GSE1: variants seen among roughly 807,000 people sequenced by gnomAD.
The protein encoded by GSE1 is genetic suppressor element 1.
Under a neutral mutation model 112.6 loss-of-function variants are expected in GSE1, and 32 were observed. The observed-to-expected ratio is 0.28, with a 90% CI of 0.21 to 0.38. The LOEUF is 0.38. Among genes scored for constraint, GSE1 ranks in the 10% least tolerant of loss-of-function variants. GSE1 has a pLI of 1.00. For missense variants in GSE1, 2,348 were observed against 1,699.2 expected (o/e 1.38, Z -6.71); for synonymous variants, 1,115 against 735.6 (o/e 1.52, Z -8.35).
At chr16:85,183,498 T>C (rs1408299760) in intron 1 of GSE1, among the ~76,000 whole-genome samples, 2 of 152,220 alleles carry the variant, frequency 1.3e-5, no homozygotes, top group Non-Finnish European at 2.9e-5. Context: ...TCCTCCCTGC[T>C]CTGCCCTCAC....
In GSE1 at chr16:85,525,199, C is replaced by G. The variant is rs2052325763; in HGVS notation, c.2465-108715C>G. On this transcript the variant is annotated intron_variant, in intron 2 of 2. Coordinates refer to the GSE1 transcript ENST00000637419. The stretch of plus-strand genomic sequence containing the variant: ...TGGTTTCATCAGCCGGGGAGGGCAC[C>G]TTGGCAGCAGCTGCCCCTCTGCCTG... Among the ~76,000 whole-genome samples the G allele has an allele frequency of 2.0e-5, 3 of 152,240 alleles. No individual in the cohort carries two copies. In the South Asian group the frequency reaches 6.2e-4, roughly 32 times the overall value.
At chr16:85,350,289 T>C (rs2046827361) in intron 1 of GSE1, among the ~76,000 whole-genome samples, 1 of 152,148 alleles carries the variant, frequency 6.6e-6, no homozygotes, top group Non-Finnish European at 1.5e-5. Context: ...GGCCTACGTG[T>C]GTTTTACTCA....
intron 1 of GSE1, among the ~76,000 whole-genome samples, chr16:85,619,950 C>G (rs559327914): frequency 2.0e-4 from 30 of 152,286 alleles, no homozygotes; most frequent in African/African-American, 3.1e-4. Flanking sequence ...CCCACCCGCT[C>G]TCCCTTAGAG....
rs1323826031 is a variant in GSE1 at position 85,655,750 on chromosome 16, T to C, written c.822T>C (p.Ser274=). 2 of 1,607,318 alleles carry C rather than the reference T, an allele frequency of 1.2e-6. No individual in the cohort carries two copies. Among genetic ancestry groups the C allele is most frequent in the East Asian group, 4.5e-5 (2 of 44,866 alleles). The change falls in exon 6 of 16, where the codon TCT becomes TCC. Residue 274 remains serine (S), a synonymous_variant. Transcript: ENST00000253458. ...AFRMDDSYCL[S]ALRSPFYPIP... ...GGATGGACGACTCCTACTGCCTGTC[T>C]GCCCTGAGGTCCCCGTTCTACCCCA...
intron 1 of GSE1, among the ~76,000 whole-genome samples, chr16:85,313,963 G>T (rs1174865979): frequency 3.3e-5 from 5 of 151,444 alleles, no homozygotes; most frequent in African/African-American, 1.2e-4. Flanking sequence ...AGCCTAGTGT[G>T]TGTGTGACAC....
At chr16:85,531,488 AG>A (rs1283142460) in intron 2 of GSE1, among the ~76,000 whole-genome samples, 2 of 152,042 alleles carry the variant, frequency 1.3e-5, no homozygotes, top group African/African-American at 4.8e-5. Flanking sequence ...GCCCTCTCGG[AG>A]GGCCTCAGCT....
chr16:85,306,117 G>A (rs938478633), intron 1 of GSE1: 2 of 154,088 alleles, frequency 1.3e-5, no homozygotes, highest in Non-Finnish European at 1.5e-5. Context: ...AATGAATAAA[G>A]GTCCCCTGGT....
At chr16:85,334,796 T>G (rs1028912940) in intron 1 of GSE1, among the ~76,000 whole-genome samples, 2 of 152,220 alleles carry the variant, frequency 1.3e-5, no homozygotes, top group African/African-American at 4.8e-5. Context: ...TCTGAGAAAC[T>G]GCGGAGCCAG....
chr16:85,265,474 G>T (rs1007887490), intron 1 of GSE1, among the ~76,000 whole-genome samples: 1 of 152,140 alleles, frequency 6.6e-6, no homozygotes, highest in African/African-American at 2.4e-5. Flanking sequence ...CGTTGCCCCA[G>T]TTCAGGCCAA....
intron 1 of GSE1, among the ~76,000 whole-genome samples, chr16:85,287,039 G>A (rs1217547663): frequency 1.3e-5 from 2 of 152,236 alleles, no homozygotes; most frequent in African/African-American, 4.8e-5. Flanking sequence ...CTGGACTCTT[G>A]TTTCTCCAGC....
intron 1 of GSE1, among the ~76,000 whole-genome samples, chr16:85,618,676 G>A (rs1171274942): frequency 6.6e-6 from 1 of 152,236 alleles, no homozygotes; most frequent in Non-Finnish European, 1.5e-5. Context: ...GTTTTAATTA[G>A]AGACAGGGTC....
At chr16:85,608,347 C>T (rs1226032463), upstream of GSE1, among the ~76,000 whole-genome samples, 3 of 152,148 alleles carry the variant, frequency 2.0e-5, no homozygotes, top group African/African-American at 7.2e-5. Context: ...CTTGCCCCTG[C>T]ACCGGGGCTG....
intron 2 of GSE1, among the ~76,000 whole-genome samples, chr16:85,378,590 C>T (rs1488696850): frequency 2.0e-5 from 3 of 152,192 alleles, no homozygotes; most frequent in South Asian, 2.1e-4. Context: ...CCCTGCTTGG[C>T]GCCCTTCGTG....
chr16:85,413,319 T>C (rs2048626792), intron 2 of GSE1, among the ~76,000 whole-genome samples: 1 of 152,072 alleles, frequency 6.6e-6, no homozygotes, highest in African/African-American at 2.4e-5. Flanking sequence ...CTTTGGCGCT[T>C]TACCTAGGAG....
rs539136327 is a variant in GSE1, at chr16:85,391,413, C to T, written c.2464+33770C>T. 2.0e-5 allele frequency among the ~76,000 whole-genome samples: 3 copies of T among 152,198 alleles called. No homozygotes were observed. In the South Asian group the frequency reaches 6.2e-4, roughly 32 times the overall value. On this transcript the variant is annotated intron_variant, in intron 2 of 2. Coordinates refer to the GSE1 transcript ENST00000637419. Reference sequence around the variant, plus strand: ...TGGGGAGCTGAAAGATTTCTTCTCCCACAGTTCTGGAGGCCAGAAGTCCAA... The same window carrying T: ...TGGGGAGCTGAAAGATTTCTTCTCCTACAGTTCTGGAGGCCAGAAGTCCAA...
chr16:85,292,229 C>G (rs2045240187), intron 1 of GSE1, among the ~76,000 whole-genome samples: 1 of 151,840 alleles, frequency 6.6e-6, no homozygotes, highest in African/African-American at 2.4e-5. Flanking sequence ...TCCTCCGCCT[C>G]CTGGGTTAAA....
At chr16:85,274,113 C>T (rs750922545) in intron 1 of GSE1, among the ~76,000 whole-genome samples, 1 of 151,036 alleles carries the variant, frequency 6.6e-6, no homozygotes, top group Non-Finnish European at 1.5e-5. Flanking sequence ...AGGCTGGGCA[C>T]GGAGGCTCAC....
At chr16:85,398,721 G>T (rs1382270374) in intron 2 of GSE1, among the ~76,000 whole-genome samples, 2 of 152,166 alleles carry the variant, frequency 1.3e-5, no homozygotes, top group African/African-American at 4.8e-5. Flanking sequence ...CCAGGAGAGA[G>T]AATGTAACTT....
At chr16:85,442,307 G>A (rs117171757) in intron 2 of GSE1, among the ~76,000 whole-genome samples, 177 of 152,244 alleles carry the variant, frequency 1.2e-3, no homozygotes, top group Non-Finnish European at 2.0e-3. Flanking sequence ...CCTTGTTTGC[G>A]TGCTTGTTTA....
Sources: gnomAD v4.1 joint callset for allele counts (sites outside exome capture counted in the v4.1 genomes callset) on GRCh38, gnomAD v4.1.1 for gene constraint, MANE v1.5 for transcripts, NCBI Gene and HGNC (gene_info 2026-07-23, HGNC 2026-07-21) for gene names.